CFAP99: variants seen among roughly 807,000 people sequenced by gnomAD.
The protein encoded by CFAP99 is cilia- and flagella-associated protein 99.
CFAP99 carries 84 observed loss-of-function variants against 82.7 expected under a neutral mutation model. The observed-to-expected ratio is 1.02, with a 90% CI of 0.85 to 1.22. CFAP99 has a LOEUF of 1.22. Ranked by LOEUF, CFAP99 falls within the 50% of genes most tolerant of loss-of-function variation. CFAP99 has a pLI of 0.00. For synonymous variants in CFAP99, 456 were observed against 429.5 expected, an observed-to-expected ratio of 1.06 and a Z score of -0.76; for missense variants, 1,059 against 983.5, an observed-to-expected ratio of 1.08 and a Z score of -1.03.
chr4:2,459,931 G>A, intron 13 of CFAP99, 106 bp from the exon 14 acceptor site: 2 of 975,916 alleles, frequency 2.0e-6, no homozygotes, highest in Non-Finnish European at 3.1e-6. Context: ...TGAAGCAGAG[G>A]GAAGGTGGGC....
chr4:2,462,800 C>T lies in CFAP99; in HGVS notation c.2019C>T (p.Pro673=). 7.7e-7 allele frequency: 1 copy of T among 1,303,848 alleles called. No homozygotes were observed. Among genetic ancestry groups the T allele is most frequent in the Non-Finnish European group, 9.7e-7 (1 of 1,029,232 alleles). The allele number at this position is 1,303,848 out of a possible 1,614,324, so 80.8% of individuals were successfully genotyped here. Residue 673 remains proline (P), a synonymous_variant, in exon 15 of 15, where the codon CCC becomes CCT. Coordinates refer to ENST00000635017, the Ensembl canonical transcript of CFAP99. The surrounding 1 kb of genome is among the most constrained non-coding windows in gnomAD (Gnocchi z 4.1). ...TCCCTGCCCGCGCCGACGCGTTCCC[C>T]GGCCTGCAGGCGCAGCTAGAGGCGC...
At chr4:2,449,826 G>A (rs1382199118) in intron 7 of CFAP99, 76 bp downstream of exon 7, 3 of 1,529,280 alleles carry the variant, frequency 2.0e-6, no homozygotes, top group Non-Finnish European at 1.8e-6. Context: ...GGTGGGGAGA[G>A]GGAAGAGGAG....
Position 2,458,866 on chromosome 4 carries a change from T to G in CFAP99, c.1303+2T>G. The G allele has an allele frequency of 6.5e-7, 1 of 1,533,560 alleles. No homozygotes were observed. The highest frequency in any genetic ancestry group is 8.7e-7 in the Non-Finnish European group (1 of 1,145,740). 95.0% of individuals were successfully genotyped at this position (1,533,560 alleles called of 1,614,324 possible). A position where few individuals can be genotyped will look rare whatever the true frequency, so the allele number is the denominator to read the frequency against. ...TCGCGAAGGGCCGACAGCAGACAGGTAGTCAGGAGCCAGATGTCACTGGCC... is the reference window on the plus strand; with the variant it reads ...TCGCGAAGGGCCGACAGCAGACAGGGAGTCAGGAGCCAGATGTCACTGGCC... On this transcript the variant is annotated splice_donor_variant, in intron 12 of 14. Transcript: ENST00000635017. LOFTEE classifies it high-confidence loss of function.
At chr4:2,441,065 AATAATAATAATAAT>A (rs1734026562) in intron 4 of CFAP99, among the ~76,000 whole-genome samples, 1 of 149,244 alleles carries the variant, frequency 6.7e-6, no homozygotes, top group Non-Finnish European at 1.5e-5. Flanking sequence ...CCTAAATGAT[AATAATAATAATAAT>A]ATAATAATAA....
At chr4:2,425,803 C>G (rs966351276) in intron 1 of CFAP99, among the ~76,000 whole-genome samples, 8 of 152,062 alleles carry the variant, frequency 5.3e-5, no homozygotes, top group Non-Finnish European at 7.4e-5. Context: ...CTCCAAGGTC[C>G]CCTGGGAGGG....
At chr4:2,426,240 C>T (rs1431008495) in intron 1 of CFAP99, among the ~76,000 whole-genome samples, 2 of 152,070 alleles carry the variant, frequency 1.3e-5, no homozygotes, top group Admixed American at 6.5e-5. Context: ...CTGCAGGAGA[C>T]AGTGCAGGAC....
intron 2 of CFAP99, among the ~76,000 whole-genome samples, chr4:2,430,735 G>A (rs1431593055): frequency 6.6e-6 from 1 of 151,914 alleles, no homozygotes; most frequent in African/African-American, 2.4e-5. Flanking sequence ...CTAGGAGTTC[G>A]TGTCCAGCTT....
rs539039473 is a variant in CFAP99, at chr4:2,436,650, C to T, written c.112-224C>T. 2.6e-4 allele frequency among the ~76,000 whole-genome samples: 39 copies of T among 151,724 alleles called. 1 individual carries two copies. The East Asian group carries it at 6.2e-3, about 24-fold the overall frequency. On this transcript the variant is annotated intron_variant, in intron 2 of 14. Coordinates refer to ENST00000635017, the Ensembl canonical transcript of CFAP99. ...ATTCCTTGCACTGCCTCATCATCTTCGTTTATTTCTGTCTTTGCCCTGACC... is the reference window on the plus strand; with the variant it reads ...ATTCCTTGCACTGCCTCATCATCTTTGTTTATTTCTGTCTTTGCCCTGACC...
In CFAP99 at chr4:2,443,259, G is replaced by A. The variant is rs865825808; in HGVS notation, c.464+17G>A. 1.1e-5 allele frequency: 17 copies of A among 1,486,386 alleles called. No homozygotes were observed. In the Middle Eastern group the frequency reaches 6.8e-4, roughly 59 times the overall value. The allele number at this position is 1,486,386 out of a possible 1,614,324, so 92.1% of individuals were successfully genotyped here. A position where few individuals can be genotyped will look rare whatever the true frequency, so the allele number is the denominator to read the frequency against. ...CCTGATGAGGTAGGCTGGATGGGGG[G>A]CTCTGGGGGCCCTGAATGGCATCTG... On this transcript the variant is annotated intron_variant, in intron 5 of 14. Transcript: ENST00000635017.
At chr4:2,459,988 C>T (rs1455420990) in intron 13 of CFAP99, 49 bp from the exon 14 acceptor site, 14 of 1,507,112 alleles carry the variant, frequency 9.3e-6, no homozygotes, top group African/African-American at 4.1e-5. Flanking sequence ...TGGGAAGCAT[C>T]GGGGCCCAGC....
rs1462818734 is a variant in CFAP99, at chr4:2,446,438, G to C, written c.642+1130G>C. Among the ~76,000 whole-genome samples, 2 of 151,872 alleles carry C rather than the reference G, an allele frequency of 1.3e-5. No individual in the cohort carries two copies. Among genetic ancestry groups the C allele is most frequent in the Admixed American group, 1.3e-4 (2 of 15,264 alleles). ...GACAGAGTCTCGCTCTGTCACCCAG[G>C]CTGGAGTGCAGTGGCACGATCTTGG... On this transcript the variant is annotated intron_variant, in intron 6 of 14. Transcript: ENST00000635017. This position sits in a 1 kb window ranked among gnomAD's most constrained non-coding sequence, Gnocchi z 5.0.
At chr4:2,438,099 G>A (rs1263166745) in exon 4 of CFAP99, 3 of 1,535,432 alleles carry the variant, frequency 2.0e-6, no homozygotes, top group East Asian at 4.9e-5. Flanking sequence ...ATTCCTGCTG[G>A]AGGAACTCGG....
chr4:2,423,725 C>T (rs1250377352), intron 1 of CFAP99, among the ~76,000 whole-genome samples: 3 of 152,264 alleles, frequency 2.0e-5, no homozygotes, highest in Non-Finnish European at 2.9e-5. Context: ...CTGGCTGCAG[C>T]ATCTAGATTT....
In CFAP99 at chr4:2,439,392, C is replaced by G. The variant is rs375573421; in HGVS notation, c.351+1228C>G. Among the ~76,000 whole-genome samples, 3 of 152,186 alleles carry G rather than the reference C, an allele frequency of 2.0e-5. No homozygotes were observed. In the East Asian group the frequency reaches 5.8e-4, roughly 29 times the overall value. Reference sequence around the variant, plus strand: ...CCTGGAGAAGTGAGTGGGAAAGCCCCTGGGCCCAGATCTTCGAGGTCTCTC... The same window carrying G: ...CCTGGAGAAGTGAGTGGGAAAGCCCGTGGGCCCAGATCTTCGAGGTCTCTC... On this transcript the variant is annotated intron_variant, in intron 4 of 14. Coordinates refer to ENST00000635017, the Ensembl canonical transcript of CFAP99.
intron 9 of CFAP99, 88 bp downstream of exon 9, chr4:2,451,106 G>C: frequency 1.4e-6 from 2 of 1,468,744 alleles, no homozygotes; most frequent in Non-Finnish European, 1.8e-6. Flanking sequence ...CAGATGACCT[G>C]AGCTGGGGGA....
Position 2,443,255 on chromosome 4 carries a change from G to C in CFAP99, c.464+13G>C. On this transcript the variant is annotated intron_variant, in intron 5 of 14. Transcript: ENST00000635017. ...ACCCCCTGATGAGGTAGGCTGGATG[G>C]GGGGCTCTGGGGGCCCTGAATGGCA... The C allele has an allele frequency of 6.7e-7, 1 of 1,492,110 alleles. No homozygotes were observed. The highest frequency in any genetic ancestry group is 9.0e-7 in the Non-Finnish European group (1 of 1,107,136). 92.4% of individuals were successfully genotyped at this position (1,492,110 alleles called of 1,614,324 possible).
chr4:2,444,651 G>A (rs1423257669), intron 5 of CFAP99, among the ~76,000 whole-genome samples: 3 of 152,186 alleles, frequency 2.0e-5, no homozygotes, highest in Non-Finnish European at 4.4e-5. Flanking sequence ...CTGTACCAAG[G>A]ACAACTGGGC....
intron 4 of CFAP99, among the ~76,000 whole-genome samples, chr4:2,440,848 A>G (rs988308463): frequency 5.4e-5 from 8 of 147,418 alleles, no homozygotes; most frequent in Non-Finnish European, 7.5e-5. Context: ...CCCGTCTCAG[A>G]CTCCCAAAGT....
At position 2,440,149 on chromosome 4, in the gene CFAP99, C is replaced by CTTTTTT. The variant is rs1253819268; in HGVS notation, c.351+1995_351+2000dup. On this transcript the variant is annotated intron_variant, in intron 4 of 14. Coordinates refer to ENST00000635017, the Ensembl canonical transcript of CFAP99. ...GAGCCACTGCGCCCAGCTTGACATTCTTTTTTTTTTTTTTTGAGACGGAGT... is the reference window on the plus strand; with the variant it reads ...GAGCCACTGCGCCCAGCTTGACATTCTTTTTTTTTTTTTTTTTTTTTGAGACGGAGT... 7.7e-5 allele frequency among the ~76,000 whole-genome samples: 8 copies of CTTTTTT among 104,034 alleles called. 2 individuals are homozygous for CTTTTTT. Among genetic ancestry groups the CTTTTTT allele is most frequent in the African/African-American group, 2.3e-4 (5 of 21,734 alleles). 68.3% of individuals were successfully genotyped at this position (104,034 alleles called of 152,430 possible).
Sources: allele counts gnomAD v4.1 joint callset (sites outside exome capture counted in the v4.1 genomes callset), GRCh38; gene constraint gnomAD v4.1.1; non-coding constraint Gnocchi (gnomAD v3.1); transcripts MANE v1.5; gene names NCBI Gene and HGNC (gene_info 2026-07-23, HGNC 2026-07-21).